The following HPSE2 variants were observed in gnomAD, a reference collection of about 807,000 sequenced individuals.
The protein encoded by HPSE2 is inactive heparanase-2.
In HPSE2, 38 loss-of-function variants were observed where a neutral mutation model predicts 60.5. The observed-to-expected ratio is 0.63, with a 90% CI of 0.48 to 0.82. The LOEUF is 0.82. Among genes scored for constraint, HPSE2 ranks in the 40% least tolerant of loss-of-function variants. The probability of loss-of-function intolerance (pLI) is 0.00; values close to 1 mark genes in which losing one functional copy is unlikely to be tolerated. For synonymous variants in HPSE2, 295 were observed against 293.2 expected (o/e 1.01, Z -0.06); for missense variants, 713 against 740.4 (o/e 0.96, Z 0.43).
chr10:98,582,371 A>G (rs1932804), intron 9 of HPSE2, among the ~76,000 whole-genome samples: 85,771 of 152,106 alleles, frequency 0.56, 24,406 homozygotes, highest in Middle Eastern at 0.65. Flanking sequence ...AATACTATAA[A>G]AGGAATCAAG....
intron 3 of HPSE2, among the ~76,000 whole-genome samples, chr10:99,117,832 T>C (rs773408908): frequency 4.5e-4 from 69 of 152,088 alleles, no homozygotes; most frequent in East Asian, 1.9e-4. Context: ...TTCCAAAAAA[T>C]TGAGGATGAG....
At chr10:99,135,666 C>T (rs764689723) in intron 3 of HPSE2, among the ~76,000 whole-genome samples, 1 of 152,108 alleles carries the variant, frequency 6.6e-6, no homozygotes, top group Non-Finnish European at 1.5e-5. Context: ...AACGAAGACA[C>T]AACATACCAG....
chr10:99,091,257 A>G (rs1843501262), intron 3 of HPSE2, among the ~76,000 whole-genome samples: 1 of 152,176 alleles, frequency 6.6e-6, no homozygotes, highest in South Asian at 2.1e-4. Context: ...TCGCACTCAA[A>G]GAGACATAGA....
intron 3 of HPSE2, among the ~76,000 whole-genome samples, chr10:99,128,264 A>G (rs770171754): frequency 1.3e-5 from 2 of 152,220 alleles, no homozygotes; most frequent in African/African-American, 4.8e-5. Flanking sequence ...GCGGAAGATG[A>G]TGTGGCAATT....
At chr10:99,305,967 G>GCACA in the HPSE2 span, among the ~76,000 whole-genome samples, 13 of 54,558 alleles carry the variant, frequency 2.4e-4, no homozygotes, top group East Asian at 4.0e-3. Flanking sequence ...ACACACGCGC[G>GCACA]CGCGCGCGCG....
rs558151448 is a variant in HPSE2 at position 98,643,495 on chromosome 10, A to G, written c.1005-1555T>C. Among the ~76,000 whole-genome samples the G allele has an allele frequency of 1.2e-4, 18 of 152,316 alleles. 1 individual carries two copies. Among genetic ancestry groups the G allele is most frequent in the Non-Finnish European group, 2.5e-4 (17 of 68,012 alleles). The stretch of plus-strand genomic sequence containing the variant: ...ATTTGAAAATTTTTGATGGTTACTT[A>G]TATCAGGAAATAAAATAATAACATG... On this transcript the variant is annotated intron_variant, in intron 6 of 11. Transcript: ENST00000370552.
At chr10:99,042,506 A>G (rs1957762654) in intron 3 of HPSE2, among the ~76,000 whole-genome samples, 2 of 152,034 alleles carry the variant, frequency 1.3e-5, no homozygotes, top group Admixed American at 1.3e-4. Flanking sequence ...GCCTGAGTTC[A>G]CCACAGGGCT....
intron 5 of HPSE2, among the ~76,000 whole-genome samples, chr10:98,716,614 C>T (rs987387604): frequency 6.6e-6 from 1 of 151,900 alleles, no homozygotes; most frequent in African/African-American, 2.4e-5. Context: ...CAGCTATGGC[C>T]TTATAAAATG....
intron 6 of HPSE2, among the ~76,000 whole-genome samples, chr10:98,662,061 A>AT (rs1947239001): frequency 6.6e-6 from 1 of 152,050 alleles, no homozygotes; most frequent in African/African-American, 2.4e-5. Context: ...TGCCCGGCTA[A>AT]TTTTTTGTAT....
At chr10:99,195,503 TGA>T (rs1848366276) in intron 2 of HPSE2, among the ~76,000 whole-genome samples, 1 of 151,920 alleles carries the variant, frequency 6.6e-6, no homozygotes, top group Admixed American at 6.6e-5. Context: ...ACTGATAAGT[TGA>T]GTAAAGTTGC....
intron 3 of HPSE2, among the ~76,000 whole-genome samples, chr10:99,039,855 C>A (rs565150571): frequency 6.6e-6 from 1 of 152,092 alleles, no homozygotes; most frequent in Admixed American, 6.5e-5. Context: ...GCTCTTTAAT[C>A]CAACTGTCTC....
intron 9 of HPSE2, among the ~76,000 whole-genome samples, chr10:98,551,019 A>C (rs1943849238): frequency 1.3e-5 from 2 of 152,182 alleles, no homozygotes; most frequent in African/African-American, 4.8e-5. Context: ...AAGGCATCAA[A>C]CAGTATAGCA....
At chr10:99,262,616 T>C in the HPSE2 span, among the ~76,000 whole-genome samples, 1 of 152,152 alleles carries the variant, frequency 6.6e-6, no homozygotes, top group African/African-American at 2.4e-5. Context: ...TTAAAGCCTG[T>C]TATCACTCGC....
intron 9 of HPSE2, among the ~76,000 whole-genome samples, chr10:98,603,947 G>A (rs1422345563): frequency 6.6e-6 from 1 of 152,118 alleles, no homozygotes; most frequent in Non-Finnish European, 1.5e-5. Flanking sequence ...AAAAACACTT[G>A]TGAAGTTCAC....
At chr10:98,490,272 CACACACA>C in intron 9 of HPSE2, 76 bp from the exon 10 acceptor site, 1 of 18,784 alleles carries the variant, frequency 5.3e-5, no homozygotes, top group Non-Finnish European at 2.0e-4. Flanking sequence ...GACACACACA[CACACACA>C]CACACACACA....
intron 3 of HPSE2, among the ~76,000 whole-genome samples, chr10:98,956,747 C>G (rs1404672498): frequency 6.6e-6 from 1 of 152,126 alleles, no homozygotes; most frequent in Non-Finnish European, 1.5e-5. Context: ...CCACACTCAG[C>G]TGCAAGGGAC....
chr10:98,849,119 A>G (rs1017426998), intron 3 of HPSE2, among the ~76,000 whole-genome samples: 1 of 152,204 alleles, frequency 6.6e-6, no homozygotes, highest in African/African-American at 2.4e-5. Flanking sequence ...CTGAAGTCCA[A>G]AGAGGTTAAG....
chr10:99,292,553 T>C, the HPSE2 span, among the ~76,000 whole-genome samples: 2 of 152,256 alleles, frequency 1.3e-5, no homozygotes, highest in East Asian at 1.9e-4. Flanking sequence ...AGAGCAGTGT[T>C]GTCCATCAGA....
intron 6 of HPSE2, among the ~76,000 whole-genome samples, chr10:98,663,790 G>A (rs1316550801): frequency 6.6e-6 from 1 of 152,140 alleles, no homozygotes; most frequent in Non-Finnish European, 1.5e-5. Flanking sequence ...AGCCCCACAG[G>A]CCTTGGATCC....
Sources: allele counts gnomAD v4.1 joint callset (sites outside exome capture counted in the v4.1 genomes callset), GRCh38; gene constraint gnomAD v4.1.1; transcripts MANE v1.5; gene names NCBI Gene and HGNC (gene_info 2026-07-23, HGNC 2026-07-21).